KCNB2: variants seen among roughly 807,000 people sequenced by gnomAD.
KCNB2 encodes potassium voltage-gated channel subfamily B member 2, also known as delayed rectifier potassium channel protein.
In KCNB2, 15 loss-of-function variants were observed where a neutral mutation model predicts 61.5. The ratio of observed to expected loss-of-function variants is 0.24; its 90% CI spans 0.16 to 0.38. KCNB2 has a LOEUF of 0.38. Among genes scored for constraint, KCNB2 ranks in the 10% least tolerant of loss-of-function variants. The pLI is 1.00. For missense variants in KCNB2, 828 were observed against 1,125.2 expected, an observed-to-expected ratio of 0.74 and a Z score of 3.78; for synonymous variants, 457 against 446.0, an observed-to-expected ratio of 1.02 and a Z score of -0.31.
intron 2 of KCNB2, among the ~76,000 whole-genome samples, chr8:72,823,431 C>T (rs1312229672): frequency 2.0e-5 from 3 of 152,108 alleles, no homozygotes; most frequent in African/African-American, 7.2e-5. Flanking sequence ...CCCAAAAGGA[C>T]CCTGGACCCA....
intron 2 of KCNB2, among the ~76,000 whole-genome samples, chr8:72,715,549 T>C (rs1247143571): frequency 6.6e-6 from 1 of 152,032 alleles, no homozygotes; most frequent in Non-Finnish European, 1.5e-5. Context: ...AACAACCTGC[T>C]CCTGAATGAC....
chr8:72,640,888 C>G (rs768136907), intron 2 of KCNB2, among the ~76,000 whole-genome samples: 1 of 151,988 alleles, frequency 6.6e-6, no homozygotes, highest in Non-Finnish European at 1.5e-5. Context: ...ACCAGTCTTA[C>G]GAAAATGGTA....
chr8:72,625,835 G>T (rs1332453145), intron 2 of KCNB2, among the ~76,000 whole-genome samples: 1 of 152,062 alleles, frequency 6.6e-6, no homozygotes, highest in Non-Finnish European at 1.5e-5. Flanking sequence ...GGGAGGACAG[G>T]GGTTGTCAGC....
chr8:72,650,907 T>C (rs1806201194), intron 2 of KCNB2, among the ~76,000 whole-genome samples: 1 of 152,190 alleles, frequency 6.6e-6, no homozygotes, highest in East Asian at 1.9e-4. Flanking sequence ...TACAGACTTG[T>C]ATTTACTATA....
chr8:72,628,177 C>T (rs1805821729), intron 2 of KCNB2, among the ~76,000 whole-genome samples: 2 of 152,168 alleles, frequency 1.3e-5, no homozygotes, highest in African/African-American at 4.8e-5. Flanking sequence ...TGCTCTCAAA[C>T]TCCTGGCCTC....
At chr8:72,766,918 G>T (rs1238746764) in intron 2 of KCNB2, among the ~76,000 whole-genome samples, 1 of 152,192 alleles carries the variant, frequency 6.6e-6, no homozygotes, top group Admixed American at 6.5e-5. Context: ...TGACTAGGGA[G>T]GCCTCAGAAT....
At chr8:72,688,793 G>A (rs1806896117) in intron 2 of KCNB2, among the ~76,000 whole-genome samples, 2 of 152,042 alleles carry the variant, frequency 1.3e-5, no homozygotes, top group South Asian at 4.1e-4. Flanking sequence ...GAGGTGTGCT[G>A]TCTGCTCACT....
chr8:72,677,369 G>A (rs1038494961), intron 2 of KCNB2, among the ~76,000 whole-genome samples: 2 of 152,174 alleles, frequency 1.3e-5, no homozygotes, highest in African/African-American at 4.8e-5. Context: ...TCAGCACCAA[G>A]CCATTGTCTT....
At chr8:72,552,008 G>C (rs1353675858) in intron 1 of KCNB2, among the ~76,000 whole-genome samples, 2 of 152,148 alleles carry the variant, frequency 1.3e-5, no homozygotes, top group African/African-American at 4.8e-5. Flanking sequence ...TAGGACCAGA[G>C]CAAGTCTGCC....
intron 2 of KCNB2, among the ~76,000 whole-genome samples, chr8:72,616,677 C>G (rs1805624119): frequency 6.6e-6 from 1 of 152,200 alleles, no homozygotes; most frequent in South Asian, 2.1e-4. Context: ...TCTGTGTATG[C>G]ATTTATTTAC....
chr8:72,666,984 AGT>A (rs142689703), intron 2 of KCNB2, among the ~76,000 whole-genome samples: 87 of 148,634 alleles, frequency 5.9e-4, no homozygotes, highest in East Asian at 1.2e-3. Context: ...TTTCCACATA[AGT>A]GTGTGTGTGT....
intron 1 of KCNB2, among the ~76,000 whole-genome samples, chr8:72,547,136 A>G (rs1440292268): frequency 6.6e-6 from 1 of 152,218 alleles, no homozygotes; most frequent in Non-Finnish European, 1.5e-5. Context: ...ATTTGTTTAC[A>G]GCATGGTTTA....
At chr8:72,599,456 G>T (rs190096406) in intron 2 of KCNB2, among the ~76,000 whole-genome samples, 1,855 of 152,236 alleles carry the variant, frequency 0.012, 19 homozygotes, top group Non-Finnish European at 0.018. Context: ...ATTCAAGATG[G>T]ATAAAAGACT....
At chr8:72,784,440 C>T (rs1006914972) in intron 2 of KCNB2, among the ~76,000 whole-genome samples, 2 of 152,138 alleles carry the variant, frequency 1.3e-5, no homozygotes, top group Non-Finnish European at 2.9e-5. Flanking sequence ...TCTATTCTCA[C>T]TCTGCTATAA....
intron 2 of KCNB2, among the ~76,000 whole-genome samples, chr8:72,882,520 T>TGAGAGAGAGAGA (rs147239924): frequency 0.04 from 4,642 of 115,034 alleles, 164 homozygotes; most frequent in Middle Eastern, 0.07. Flanking sequence ...TGCTGACAGT[T>TGAGAGAGAGAGA]GAGAGAGAGA....
chr8:72,841,410 A>C (rs1244464474), intron 2 of KCNB2, among the ~76,000 whole-genome samples: 1 of 105,910 alleles, frequency 9.4e-6, no homozygotes, highest in Non-Finnish European at 1.7e-5. Context: ...TGTCTTGGCT[A>C]TGCAGGCTCT....
intron 2 of KCNB2, among the ~76,000 whole-genome samples, chr8:72,763,798 A>G (rs1808422008): frequency 6.6e-6 from 1 of 152,202 alleles, no homozygotes; most frequent in South Asian, 2.1e-4. Flanking sequence ...AATGTATTAT[A>G]AGCTTAAACA....
chr8:72,624,420 A>G lies in KCNB2; in HGVS notation c.579+56107A>G, dbSNP rs544119884. On this transcript the variant is annotated intron_variant, in intron 2 of 2. Coordinates refer to ENST00000523207, the MANE Select transcript of KCNB2 (RefSeq NM_004770.3). ...GCTTGGGGAAGTACTTTCTTCAACA[A>G]CAAAAAAGATAACATTATGGTTCTG... Among the ~76,000 whole-genome samples the G allele has an allele frequency of 1.2e-3, 188 of 152,340 alleles. 1 individual carries two copies. The highest frequency in any genetic ancestry group is 2.1e-3 in the Non-Finnish European group (146 of 68,032).
chr8:72,799,594 A>G (rs913209723), intron 2 of KCNB2, among the ~76,000 whole-genome samples: 2 of 152,142 alleles, frequency 1.3e-5, no homozygotes, highest in Non-Finnish European at 2.9e-5. Context: ...AAGGGTAGGG[A>G]ATCAGACAAG....
Sources: gnomAD v4.1 joint callset for allele counts (sites outside exome capture counted in the v4.1 genomes callset) on GRCh38, gnomAD v4.1.1 for gene constraint, MANE v1.5 for transcripts, NCBI Gene and HGNC (gene_info 2026-07-23, HGNC 2026-07-21) for gene names.